CPA4: variants seen among roughly 807,000 people sequenced by gnomAD.
The protein encoded by CPA4 is carboxypeptidase A4.
Under a neutral mutation model 54.7 loss-of-function variants are expected in CPA4, and 49 were observed. The observed-to-expected ratio is 0.90, with a 90% CI of 0.71 to 1.14. The LOEUF is 1.14. Among genes scored for constraint, CPA4 ranks in the 50% most tolerant of loss-of-function variants. The pLI is 0.00. For synonymous variants in CPA4, 215 were observed against 206.8 expected, an observed-to-expected ratio of 1.04 and a Z score of -0.34; for missense variants, 487 against 525.1, an observed-to-expected ratio of 0.93 and a Z score of 0.71.
At chr7:130,315,058 C>T (rs1029553972) in intron 10 of CPA4, among the ~76,000 whole-genome samples, 2 of 151,000 alleles carry the variant, frequency 1.3e-5, no homozygotes, top group Admixed American at 6.6e-5. Context: ...GTTTTGCTGC[C>T]GTGGGTGTAG....
chr7:130,303,935 C>T (rs1053446439), intron 4 of CPA4, among the ~76,000 whole-genome samples: 2 of 152,048 alleles, frequency 1.3e-5, no homozygotes, highest in African/African-American at 2.4e-5. Flanking sequence ...AGCCACTGCA[C>T]CTGGCTTGTT....
chr7:130,313,603 G>A (rs1793945755), intron 10 of CPA4, among the ~76,000 whole-genome samples: 2 of 147,922 alleles, frequency 1.4e-5, no homozygotes, highest in South Asian at 4.2e-4. Context: ...GTATGTTAAA[G>A]ACGTGGCCAA....
rs73721863 is a variant in CPA4, at chr7:130,310,293, G to A, written c.794-494G>A. Among the ~76,000 whole-genome samples, 649 of 152,216 alleles carry A rather than the reference G, an allele frequency of 4.3e-3. 4 individuals are homozygous for A. Among genetic ancestry groups the A allele is most frequent in the African/African-American group, 0.014 (595 of 41,538 alleles). On this transcript the variant is annotated intron_variant, in intron 8 of 10. Transcript: ENST00000222482. The surrounding 1 kb of genome is among the most constrained non-coding windows in gnomAD (Gnocchi z 4.3). ...GTGCACACACACACCCTAGAAACCC[G>A]AGGGAACTATATTATGAAGTAATAC...
intron 1 of CPA4, among the ~76,000 whole-genome samples, chr7:130,297,568 T>G (rs1208942309): frequency 6.6e-6 from 1 of 152,112 alleles, no homozygotes; most frequent in Non-Finnish European, 1.5e-5. Flanking sequence ...CTTGACTCCT[T>G]AAGTCTGGCC....
intron 8 of CPA4, among the ~76,000 whole-genome samples, chr7:130,308,645 C>T (rs1353392847): frequency 6.6e-6 from 1 of 151,948 alleles, no homozygotes; most frequent in East Asian, 1.9e-4. Flanking sequence ...GCGACCTCTG[C>T]CTCCTGGGTT....
At chr7:130,318,473 G>T (rs775612456) in intron 10 of CPA4, among the ~76,000 whole-genome samples, 1 of 152,122 alleles carries the variant, frequency 6.6e-6, no homozygotes, top group African/African-American at 2.4e-5. Flanking sequence ...GTGCAATGGC[G>T]TGATCTCCAC....
chr7:130,301,621 G>A (rs1302932395), intron 4 of CPA4, among the ~76,000 whole-genome samples: 1 of 152,000 alleles, frequency 6.6e-6, no homozygotes, highest in Non-Finnish European at 1.5e-5. Flanking sequence ...TATTCCCCCT[G>A]GTGTACCTTA....
Position 130,304,469 on chromosome 7 carries a change from A to G in CPA4, c.385-9A>G, listed in dbSNP as rs760720982. ...AAAATGTCCCTGGATTCACTCTTTC[A>G]TGCTTCAGATTTACCACGAGATGGA... On this transcript the variant is annotated splice_polypyrimidine_tract_variant and intron_variant, in intron 4 of 10. Transcript: ENST00000222482. The G allele has an allele frequency of 6.4e-6, 10 of 1,556,450 alleles. No individual in the cohort carries two copies. Among genetic ancestry groups the G allele is most frequent in the Non-Finnish European group, 8.9e-6 (10 of 1,127,396 alleles).
chr7:130,322,023 C>G (rs1794113415), intron 10 of CPA4, among the ~76,000 whole-genome samples: 1 of 152,192 alleles, frequency 6.6e-6, no homozygotes, highest in Non-Finnish European at 1.5e-5. Flanking sequence ...GACAGCAAGG[C>G]AGAAGCCACA....
intron 10 of CPA4, among the ~76,000 whole-genome samples, chr7:130,321,377 A>G (rs1794096114): frequency 6.6e-6 from 1 of 152,132 alleles, no homozygotes; most frequent in Non-Finnish European, 1.5e-5. Flanking sequence ...TGTTAAAAAA[A>G]AAAATCCTAA....
At chr7:130,293,910 C>A (rs927522774) in intron 1 of CPA4, among the ~76,000 whole-genome samples, 2 of 152,008 alleles carry the variant, frequency 1.3e-5, no homozygotes, top group African/African-American at 4.8e-5. Flanking sequence ...TGCACACACA[C>A]ACGTGCTCAA....
At chr7:130,318,619 C>T (rs1183859091) in intron 10 of CPA4, among the ~76,000 whole-genome samples, 2 of 152,120 alleles carry the variant, frequency 1.3e-5, no homozygotes, top group East Asian at 1.9e-4. Context: ...CCATGTTGGT[C>T]AGTCTGGTCT....
chr7:130,320,512 G>T (rs1167848057), intron 10 of CPA4, among the ~76,000 whole-genome samples: 1 of 152,170 alleles, frequency 6.6e-6, no homozygotes, highest in East Asian at 1.9e-4. Context: ...AGGGAGCACG[G>T]AGTCTCACTG....
rs773533085 is a variant in CPA4, at chr7:130,310,377, G to C, written c.794-410G>C. Among the ~76,000 whole-genome samples, 7 of 152,154 alleles carry C rather than the reference G, an allele frequency of 4.6e-5. No homozygotes were observed. Among genetic ancestry groups the C allele is most frequent in the Non-Finnish European group, 8.8e-5 (6 of 68,036 alleles). ...TCAAGAGATTTTAGCCACAACAATT[G>C]ATTATTTCTGGCACACTTGGCCTTT... On this transcript the variant is annotated intron_variant, in intron 8 of 10. Coordinates refer to ENST00000222482, the MANE Select transcript of CPA4 (RefSeq NM_016352.4). This position sits in a 1 kb window ranked among gnomAD's most constrained non-coding sequence, Gnocchi z 4.3.
intron 8 of CPA4, among the ~76,000 whole-genome samples, chr7:130,309,610 T>C (rs1793881086): frequency 1.3e-5 from 2 of 152,218 alleles, no homozygotes; most frequent in Admixed American, 1.3e-4. Flanking sequence ...TCTTCTCACC[T>C]AGCGAGTGAA....
chr7:130,297,311 C>A (rs537385582), intron 1 of CPA4, among the ~76,000 whole-genome samples: 13 of 152,250 alleles, frequency 8.5e-5, no homozygotes, highest in African/African-American at 2.9e-4. Context: ...GGTCAGGGAA[C>A]GATCAGGTTT....
At position 130,306,803 on chromosome 7, in the gene CPA4, A is replaced by T; in HGVS notation, c.608A>T (p.Gln203Leu). 1 of 1,604,298 alleles carries T rather than the reference A, an allele frequency of 6.2e-7. No homozygotes were observed. The highest frequency in any genetic ancestry group is 8.5e-7 in the Non-Finnish European group (1 of 1,171,036). The change falls in exon 7 of 11, where the codon CAG becomes CTG. Residue 203 changes from glutamine (Q) to leucine (L), a missense_variant. Gln to Leu is a moderately radical substitution (Grantham distance 113). Coordinates refer to ENST00000222482, the MANE Select transcript of CPA4 (RefSeq NM_016352.4). ...TCTGCTTAGATTGTATCTGATTACC[A>T]GAGGGATCCAGCTATCACCTCCATC... Reference protein sequence around the residue: ...WTARKIVSDYQRDPAITSILE... With the variant: ...WTARKIVSDYLRDPAITSILE...
At chr7:130,304,853 C>T (rs1306284646) in intron 5 of CPA4, among the ~76,000 whole-genome samples, 18 of 152,170 alleles carry the variant, frequency 1.2e-4, no homozygotes. Flanking sequence ...TCAGATGGGA[C>T]AGTCTTTTAC....
At chr7:130,307,787 G>C (rs554074462) in intron 7 of CPA4, among the ~76,000 whole-genome samples, 1 of 152,278 alleles carries the variant, frequency 6.6e-6, no homozygotes, top group South Asian at 2.1e-4. Flanking sequence ...ATTTAGGGGA[G>C]AAGCCAAGTA....
Sources: gnomAD v4.1 joint callset for allele counts (sites outside exome capture counted in the v4.1 genomes callset) on GRCh38, gnomAD v4.1.1 for gene constraint, Gnocchi (gnomAD v3.1) non-coding constraint, MANE v1.5 for transcripts, NCBI Gene and HGNC (gene_info 2026-07-23, HGNC 2026-07-21) for gene names.